TENT4B: variants seen among roughly 807,000 people sequenced by gnomAD.
TENT4B encodes terminal nucleotidyltransferase 4B, also known as PAP associated domain containing 5.
Under a neutral mutation model 75.0 loss-of-function variants are expected in TENT4B, and 10 were observed. The observed-to-expected ratio is 0.13, with a 90% CI of 0.08 to 0.23. The LOEUF (loss-of-function observed/expected upper bound fraction) is 0.23. TENT4B is among the 10% of genes least tolerant of loss of function. The pLI, the probability that TENT4B is intolerant of heterozygous loss-of-function variation, is 1.00. For missense variants in TENT4B, 579 were observed against 893.8 expected, an observed-to-expected ratio of 0.65 and a Z score of 4.49; for synonymous variants, 350 against 357.7, an observed-to-expected ratio of 0.98 and a Z score of 0.24.
rs894454850 is a variant in TENT4B, at chr16:50,229,571, C to T, written c.*243C>T. The T allele has an allele frequency of 3.6e-5, 44 of 1,234,364 alleles. No homozygotes were observed. In the African/African-American group the frequency reaches 4.7e-4, roughly 13 times the overall value. The allele number at this position is 1,234,364 out of a possible 1,614,324, so 76.5% of individuals were successfully genotyped here. ...AAAAAAGGCTGCTTATTTGATAAGT[C>T]ATATGCTACAACAGGGTCATTTTAA... On this transcript the variant is annotated 3_prime_UTR_variant, in exon 12 of 12. Coordinates refer to ENST00000561678, the MANE Select transcript of TENT4B (RefSeq NM_001365324.3).
chr16:50,153,059 G>C, upstream of TENT4B: 1 of 1,466,566 alleles, frequency 6.8e-7, no homozygotes, highest in Non-Finnish European at 9.0e-7. Context: ...CACAGATGGC[G>C]CAAGTACGGT....
intron 11 of TENT4B, 147 bp downstream of exon 11, chr16:50,228,150 C>A: frequency 9.8e-7 from 1 of 1,016,792 alleles, no homozygotes; most frequent in Non-Finnish European, 1.4e-6. Flanking sequence ...CAACACATGA[C>A]AGTGCTTCTA....
rs370585529 is a variant in TENT4B at position 50,180,383 on chromosome 16, A to G, written c.638+26124A>G. Among the ~76,000 whole-genome samples the G allele has an allele frequency of 1.2e-4, 18 of 152,280 alleles. No homozygotes were observed. The East Asian group carries it at 2.1e-3, about 18-fold the overall frequency. ...CTCCCAGAGTGCTGGGATTACAGGC[A>G]TGAGCCACTGTGCCCAGCCTTCACA... is the stretch of plus-strand genomic sequence containing the variant. On this transcript the variant is annotated intron_variant, in intron 1 of 11. Coordinates refer to ENST00000561678, the MANE Select transcript of TENT4B (RefSeq NM_001365324.3).
At chr16:50,208,018 ATTTC>A (rs2031078284) in intron 1 of TENT4B, among the ~76,000 whole-genome samples, 3 of 152,306 alleles carry the variant, frequency 2.0e-5, no homozygotes, top group Admixed American at 2.0e-4. Context: ...TTCTCTGAGT[ATTTC>A]ACACGTAGCT....
At chr16:50,206,025 G>T (rs1454916620) in intron 1 of TENT4B, among the ~76,000 whole-genome samples, 1 of 152,072 alleles carries the variant, frequency 6.6e-6, no homozygotes, top group African/African-American at 2.4e-5. Context: ...GGCTATAAAG[G>T]GAAAGTGCTT....
chr16:50,166,146 G>A (rs2038095946), intron 1 of TENT4B, among the ~76,000 whole-genome samples: 1 of 144,980 alleles, frequency 6.9e-6, no homozygotes, highest in African/African-American at 2.6e-5. Context: ...GCAGTAGCAT[G>A]ATCTTGGCTC....
intron 1 of TENT4B, among the ~76,000 whole-genome samples, chr16:50,159,337 C>T (rs752110535): frequency 4.0e-5 from 6 of 151,464 alleles, no homozygotes; most frequent in South Asian, 2.1e-4. Flanking sequence ...CTCTGACTCC[C>T]GGGTTCAAGC....
intron 1 of TENT4B, among the ~76,000 whole-genome samples, chr16:50,210,833 G>A (rs1173689980): frequency 1.3e-5 from 2 of 152,166 alleles, no homozygotes; most frequent in Non-Finnish European, 2.9e-5. Context: ...CTCCTTCATG[G>A]AGCCTTTGCC....
chr16:50,199,585 G>C (rs1395896828), intron 1 of TENT4B, among the ~76,000 whole-genome samples: 1 of 152,148 alleles, frequency 6.6e-6, no homozygotes, highest in Non-Finnish European at 1.5e-5. Flanking sequence ...CCATAGTTTT[G>C]CCTTTCCCAG....
chr16:50,232,173 T>C lies in TENT4B; in HGVS notation c.*2845T>C. The C allele has an allele frequency of 1.0e-6, 1 of 985,408 alleles. No homozygotes were observed. 61.0% of individuals were successfully genotyped at this position (985,408 alleles called of 1,614,324 possible). On this transcript the variant is annotated 3_prime_UTR_variant, in exon 12 of 12. Coordinates refer to ENST00000561678, the MANE Select transcript of TENT4B (RefSeq NM_001365324.3). ...GTTATGTTTTGATGATAAAAGTATA[T>C]CCATTTTTTCCCTCCAGCTTTAAGG... is the stretch of plus-strand genomic sequence containing the variant.
chr16:50,169,160 A>G (rs1023752810), intron 1 of TENT4B, among the ~76,000 whole-genome samples: 2 of 152,174 alleles, frequency 1.3e-5, no homozygotes. Context: ...GATTATTTCA[A>G]AGCATTGTTT....
At chr16:50,169,575 C>G (rs2038168440) in intron 1 of TENT4B, among the ~76,000 whole-genome samples, 1 of 152,022 alleles carries the variant, frequency 6.6e-6, no homozygotes, top group African/African-American at 2.4e-5. Context: ...CTGTTGTTAG[C>G]TGGAATGCTT....
chr16:50,218,512 C>T (rs142931158), intron 5 of TENT4B, among the ~76,000 whole-genome samples: 358 of 152,050 alleles, frequency 2.4e-3, no homozygotes, highest in African/African-American at 8.1e-3. Flanking sequence ...TGCCACCATG[C>T]CTGGCTAATT....
At chr16:50,157,046 A>T (rs2037915264) in intron 1 of TENT4B, among the ~76,000 whole-genome samples, 1 of 152,234 alleles carries the variant, frequency 6.6e-6, no homozygotes, top group South Asian at 2.1e-4. Context: ...CCTCGATGTT[A>T]TGCTGTTCTG....
chr16:50,234,711 C>A lies in TENT4B; in HGVS notation c.*5383C>A. On this transcript the variant is annotated 3_prime_UTR_variant, in exon 12 of 12. Transcript: ENST00000561678. ...TGTTTGTTAGACGTGTCAAGAGTCT[C>A]CAGTCTTTACTACTAAAAAGCAGCA... 1.0e-6 allele frequency: 1 copy of A among 985,368 alleles called. No homozygotes were observed. The highest frequency in any genetic ancestry group is 4.7e-5 in the South Asian group (1 of 21,274). The allele number at this position is 985,368 out of a possible 1,614,324, so 61.0% of individuals were successfully genotyped here.
Position 50,230,849 on chromosome 16 carries a change from G to T in TENT4B, c.*1521G>T, listed in dbSNP as rs371597380. On this transcript the variant is annotated 3_prime_UTR_variant, in exon 12 of 12. Transcript: ENST00000561678. ...GAAAATGCTTTCTTTCAGGGTGAAAGCTCTTATGTTTAGCATCAATGTGTA... is the reference window on the plus strand; with the variant it reads ...GAAAATGCTTTCTTTCAGGGTGAAATCTCTTATGTTTAGCATCAATGTGTA... 1.0e-6 allele frequency: 1 copy of T among 985,472 alleles called. No individual in the cohort carries two copies. 61.0% of individuals were successfully genotyped at this position (985,472 alleles called of 1,614,324 possible).
chr16:50,227,259 G>A (rs2032098425), intron 10 of TENT4B, among the ~76,000 whole-genome samples: 1 of 152,220 alleles, frequency 6.6e-6, no homozygotes, highest in South Asian at 2.1e-4. Flanking sequence ...GGGAGATGGA[G>A]TGTTGGGGAC....
intron 1 of TENT4B, among the ~76,000 whole-genome samples, chr16:50,208,362 G>A (rs1052205001): frequency 1.3e-5 from 2 of 152,212 alleles, no homozygotes; most frequent in Non-Finnish European, 2.9e-5. Flanking sequence ...TAGAATTGCA[G>A]CACTGAAAGT....
At chr16:50,221,073 G>A (rs770889782) in intron 5 of TENT4B, among the ~76,000 whole-genome samples, 6 of 152,086 alleles carry the variant, frequency 3.9e-5, no homozygotes, top group Admixed American at 1.3e-4. Context: ...GATCATTTGA[G>A]CTTAGGAGTT....
Sources: gnomAD v4.1 joint callset for allele counts (sites outside exome capture counted in the v4.1 genomes callset) on GRCh38, gnomAD v4.1.1 for gene constraint, MANE v1.5 for transcripts, NCBI Gene and HGNC (gene_info 2026-07-23, HGNC 2026-07-21) for gene names.